PCDHGB1: variants seen among roughly 807,000 people sequenced by gnomAD.
The protein encoded by PCDHGB1 is protocadherin gamma-B1.
Under a neutral mutation model 56.6 loss-of-function variants are expected in PCDHGB1, and 34 were observed. The observed-to-expected ratio is 0.60, with a 90% CI of 0.46 to 0.80. The LOEUF is 0.80. Ranked by LOEUF, PCDHGB1 falls within the 30% of genes least tolerant of loss-of-function variation. The pLI is 0.00. For synonymous variants in PCDHGB1, 561 were observed against 505.9 expected (o/e 1.11, Z -1.46); for missense variants, 1,278 against 1,204.6 (o/e 1.06, Z -0.90).
intron 1 of PCDHGB1, chr5:141,414,584 C>G (rs1359132446): frequency 3.1e-6 from 5 of 1,613,956 alleles, no homozygotes; most frequent in Non-Finnish European, 4.2e-6. Context: ...GAGAACAACG[C>G]CAGGGGTGCC....
Position 141,373,903 on chromosome 5 carries a change from CCAA to C in PCDHGB1, c.2409+21241_2409+21243del, listed in dbSNP as rs1423150628. 3 of 586,252 alleles carry C rather than the reference CCAA, an allele frequency of 5.1e-6. No individual in the cohort carries two copies. In the African/African-American group the frequency reaches 5.7e-5, roughly 11 times the overall value. 36.3% of individuals were successfully genotyped at this position (586,252 alleles called of 1,614,324 possible). The stretch of plus-strand genomic sequence containing the variant: ...TCAACGGAAACTCAAGTTACATCCT[CCAA>C]CAACAAAGCAAATTAGACGGGAAAG... On this transcript the variant is annotated intron_variant, in intron 1 of 3. Coordinates refer to ENST00000523390, the MANE Select transcript of PCDHGB1 (RefSeq NM_018922.3).
intron 1 of PCDHGB1, among the ~76,000 whole-genome samples, chr5:141,425,111 A>G (rs2096857405): frequency 6.6e-6 from 1 of 152,144 alleles, no homozygotes; most frequent in Admixed American, 6.5e-5. Context: ...AGATGCCTAC[A>G]TTTTTCTTGA....
At chr5:141,358,969 G>C (rs1588537487) in intron 1 of PCDHGB1, among the ~76,000 whole-genome samples, 1 of 152,190 alleles carries the variant, frequency 6.6e-6, no homozygotes. Context: ...GGTTCTGTGA[G>C]AATTCAAAAT....
rs1263406836 is a variant in PCDHGB1 at position 141,491,918 on chromosome 5, G to A, written c.2410-2889G>A. On this transcript the variant is annotated intron_variant, in intron 1 of 3. Coordinates refer to ENST00000523390, the MANE Select transcript of PCDHGB1 (RefSeq NM_018922.3). The surrounding 1 kb of genome is among the most constrained non-coding windows in gnomAD (Gnocchi z 6.9). ...GCACCGGGGGTGGTGGCGACTGTGGGCGAGGGGAGGTGGGACCGACCCCCA... is the reference window on the plus strand; with the variant it reads ...GCACCGGGGGTGGTGGCGACTGTGGACGAGGGGAGGTGGGACCGACCCCCA... 2 of 1,371,698 alleles carry A rather than the reference G, an allele frequency of 1.5e-6. No homozygotes were observed. Among genetic ancestry groups the A allele is most frequent in the Non-Finnish European group, 1.9e-6 (2 of 1,028,962 alleles). 85.0% of individuals were successfully genotyped at this position (1,371,698 alleles called of 1,614,324 possible).
intron 1 of PCDHGB1, among the ~76,000 whole-genome samples, chr5:141,405,806 C>T (rs2094720612): frequency 6.8e-6 from 1 of 146,048 alleles, no homozygotes. Context: ...TTAGCTTTCT[C>T]TTTAACTGTC....
At chr5:141,387,649 G>T (rs1020449158) in intron 1 of PCDHGB1, 13 of 640,184 alleles carry the variant, frequency 2.0e-5, no homozygotes, top group Non-Finnish European at 3.1e-5. Context: ...TGGCCAAAGT[G>T]GAGAGCTTGG....
chr5:141,385,420 A>T, intron 1 of PCDHGB1: 1 of 1,465,218 alleles, frequency 6.8e-7, no homozygotes, highest in Non-Finnish European at 9.0e-7. Flanking sequence ...AGGGATTTAA[A>T]AAACTTTATA....
intron 1 of PCDHGB1, among the ~76,000 whole-genome samples, chr5:141,454,829 A>T (rs2098803417): frequency 1.4e-5 from 1 of 70,192 alleles, no homozygotes. Context: ...TTTTTTTGAG[A>T]CAGAGTCGCG....
In PCDHGB1 at chr5:141,477,815, G is replaced by C; in HGVS notation, c.2410-16992G>C. On this transcript the variant is annotated intron_variant, in intron 1 of 3. Coordinates refer to ENST00000523390, the MANE Select transcript of PCDHGB1 (RefSeq NM_018922.3). The surrounding 1 kb of genome is among the most constrained non-coding windows in gnomAD (Gnocchi z 4.9). ...TGATCGCAATGACAATGCCCCCCAG[G>C]TCCTATATCCTCGGCCAGGTGGGAG... 1 of 1,614,106 alleles carries C rather than the reference G, an allele frequency of 6.2e-7. No homozygotes were observed. Among genetic ancestry groups the C allele is most frequent in the Non-Finnish European group, 8.5e-7 (1 of 1,180,034 alleles).
Position 141,351,531 on chromosome 5 carries a change from G to A in PCDHGB1, c.1271G>A (p.Gly424Asp), listed in dbSNP as rs1280732085. 7 of 1,613,842 alleles carry A rather than the reference G, an allele frequency of 4.3e-6. No homozygotes were observed. The highest frequency in any genetic ancestry group is 2.2e-5 in the East Asian group (1 of 44,886). The change falls in exon 1 of 4, where the codon GGC (glycine) becomes GAC (aspartate). Residue 424 changes from glycine to aspartate, a missense_variant. Coordinates refer to ENST00000523390, the MANE Select transcript of PCDHGB1 (RefSeq NM_018922.3). ...YNVTIIATDK[G>D]KPALSSRTSI... Reference sequence around the variant, plus strand: ...GTCACAATCATAGCCACCGACAAGGGCAAACCAGCCCTTTCCTCCAGGACA... The same window carrying A: ...GTCACAATCATAGCCACCGACAAGGACAAACCAGCCCTTTCCTCCAGGACA...
intron 1 of PCDHGB1, chr5:141,395,467 C>T (rs2093236177): frequency 1.8e-6 from 1 of 566,628 alleles, no homozygotes; most frequent in Non-Finnish European, 3.0e-6. Context: ...TTTAAGCCTT[C>T]CAGTATTTTA....
chr5:141,499,751 A>G (rs1355923543), intron 2 of PCDHGB1, among the ~76,000 whole-genome samples: 2 of 149,258 alleles, frequency 1.3e-5, no homozygotes, highest in Non-Finnish European at 3.0e-5. Flanking sequence ...CTGTGGCACA[A>G]TCTCAGCTCA....
intron 1 of PCDHGB1, chr5:141,419,497 G>A (rs1357823931): frequency 6.2e-7 from 1 of 1,612,390 alleles, no homozygotes; most frequent in South Asian, 1.1e-5. Context: ...GCGCCAATGT[G>A]AGCCTGCGCG....
intron 1 of PCDHGB1, chr5:141,419,381 A>T (rs1170271990): frequency 6.2e-7 from 1 of 1,613,544 alleles, no homozygotes; most frequent in Admixed American, 1.7e-5. Flanking sequence ...CGTGTCCGTG[A>T]GCGCGCAGAG....
At chr5:141,376,392 TC>T (rs1163075559) in intron 1 of PCDHGB1, 5 of 1,614,092 alleles carry the variant, frequency 3.1e-6, no homozygotes, top group Non-Finnish European at 4.2e-6. Flanking sequence ...CATCTGATTT[TC>T]CCCCAGCCCA....
chr5:141,410,332 C>T (rs541138780), intron 1 of PCDHGB1: 2 of 1,614,002 alleles, frequency 1.2e-6, no homozygotes, highest in Non-Finnish European at 1.7e-6. Context: ...TGATTCTGGC[C>T]ATTGCCTTGC....
Position 141,350,828 on chromosome 5 carries a change from G to C in PCDHGB1, c.568G>C (p.Val190Leu). The change falls in exon 1 of 4, where the codon GTA (valine) becomes CTA (leucine). Residue 190 changes from valine (V) to leucine (L), a missense_variant. By Grantham distance (32) the Val-to-Leu change is conservative. Transcript: ENST00000523390. Reference protein sequence around the residue: ...KESPDGSKYPVLLLEKPLDRE... With the variant: ...KESPDGSKYPLLLLEKPLDRE... ...AAGTCCTGATGGAAGTAAATATCCG[G>C]TATTACTGCTGGAAAAACCTCTAGA... The C allele has an allele frequency of 6.2e-7, 1 of 1,614,010 alleles. No homozygotes were observed. Among genetic ancestry groups the C allele is most frequent in the Non-Finnish European group, 8.5e-7 (1 of 1,179,880 alleles).
intron 1 of PCDHGB1, chr5:141,384,896 A>G (rs1588983120): frequency 1.2e-6 from 2 of 1,613,766 alleles, no homozygotes; most frequent in African/African-American, 1.3e-5. Flanking sequence ...GCTGTGGCTG[A>G]CAGCATCCCC....
At chr5:141,362,477 T>G in intron 1 of PCDHGB1, 1 of 1,614,056 alleles carries the variant, frequency 6.2e-7, no homozygotes, top group Non-Finnish European at 8.5e-7. Flanking sequence ...CAAGATCTCG[T>G]CTGTGACAAT....
Sources: gnomAD v4.1 joint callset for allele counts (sites outside exome capture counted in the v4.1 genomes callset) on GRCh38, gnomAD v4.1.1 for gene constraint, Gnocchi (gnomAD v3.1) non-coding constraint, MANE v1.5 for transcripts, NCBI Gene and HGNC (gene_info 2026-07-23, HGNC 2026-07-21) for gene names.